Variants in UBE3B observed in about 807,000 individuals in gnomAD.
UBE3B encodes ubiquitin protein ligase E3B, also known as ubiquitin-protein ligase E3B.
In UBE3B, 80 loss-of-function variants were observed where a neutral mutation model predicts 132.3. The ratio of observed to expected loss-of-function variants is 0.60; its 90% confidence interval spans 0.50 to 0.73. UBE3B has a LOEUF of 0.73. UBE3B is among the 30% of genes least tolerant of loss of function. The pLI is 0.00. For synonymous variants in UBE3B, 487 were observed against 520.4 expected (o/e 0.94, Z 0.87); for missense variants, 1,196 against 1,362.5 (o/e 0.88, Z 1.92).
Position 109,497,837 on chromosome 12 carries a change from T to C in UBE3B, c.733T>C (p.Phe245Leu). Residue 245 changes from phenylalanine (F) to leucine (L), a missense_variant, in exon 10 of 28, where the codon TTC (phenylalanine) becomes CTC (leucine). Phe to Leu is a conservative substitution (Grantham distance 22). Coordinates refer to ENST00000342494, the MANE Select transcript of UBE3B (RefSeq NM_130466.4). ...LALRPVIAAQ[F>L]SDNLIRPFLI... ...GTCTAGCCCTGTGATTGCTGCACAG[T>C]TCTCAGACAATCTGATTCGGCCGTT... is the stretch of plus-strand genomic sequence containing the variant. 1 of 1,614,168 alleles carries C rather than the reference T, an allele frequency of 6.2e-7. No homozygotes were observed.
chr12:109,502,348 C>T (rs1162685414), intron 13 of UBE3B, among the ~76,000 whole-genome samples: 1 of 152,164 alleles, frequency 6.6e-6, no homozygotes, highest in African/African-American at 2.4e-5. Context: ...GCTTTCCTAT[C>T]GCAGGGTCAG....
chr12:109,523,062 A>G (rs1332767221), intron 21 of UBE3B, among the ~76,000 whole-genome samples: 1 of 152,094 alleles, frequency 6.6e-6, no homozygotes, highest in African/African-American at 2.4e-5. Flanking sequence ...CACCTCTGAC[A>G]GTAATTGTGC....
At chr12:109,509,490 A>G (rs767195331) in intron 15 of UBE3B, 106 bp from the exon 16 acceptor site, 7 of 684,778 alleles carry the variant, frequency 1.0e-5, no homozygotes, top group African/African-American at 3.6e-5. Context: ...TCTACAAGAT[A>G]AAGCTTATTT....
At chr12:109,528,830 CA>C (rs1486481070) in intron 24 of UBE3B, among the ~76,000 whole-genome samples, 6 of 145,068 alleles carry the variant, frequency 4.1e-5, no homozygotes. Flanking sequence ...GCATGGGCGA[CA>C]AGAATGAAAC....
At chr12:109,481,803 C>T (rs752174375) in intron 2 of UBE3B, 61 bp downstream of exon 2, 58 of 152,308 alleles carry the variant, frequency 3.8e-4, no homozygotes, top group Non-Finnish European at 7.9e-4. Context: ...AGATGGCTAC[C>T]GTTTCTCTCC....
chr12:109,521,342 C>T lies in UBE3B; in HGVS notation c.2253+18C>T. On this transcript the variant is annotated intron_variant, in intron 20 of 27. Coordinates refer to ENST00000342494, the MANE Select transcript of UBE3B (RefSeq NM_130466.4). This position sits in a 1 kb window ranked among gnomAD's most constrained non-coding sequence, Gnocchi z 4.2. ...TGTTCAAGGTATTTAAGGGGAGCAA[C>T]AGCAGGGCTGACAGCAGCCAGATTC... The T allele has an allele frequency of 1.2e-6, 2 of 1,608,552 alleles. No individual in the cohort carries two copies. The highest frequency in any genetic ancestry group is 2.2e-5 in the South Asian group (2 of 90,998).
chr12:109,523,888 C>T (rs1881992299), intron 21 of UBE3B, 90 bp from the exon 22 acceptor site: 1 of 1,560,240 alleles, frequency 6.4e-7, no homozygotes, highest in Non-Finnish European at 8.7e-7. Flanking sequence ...GATGGCACCC[C>T]TGGGCCATGT....
chr12:109,488,791 A>C (rs1876940783), intron 7 of UBE3B, 123 bp downstream of exon 7: 2 of 816,344 alleles, frequency 2.4e-6, no homozygotes, highest in Non-Finnish European at 4.2e-6. Flanking sequence ...AGACCATACA[A>C]ATGAGGATGC....
At chr12:109,525,749 A>AAAAAAAAATT (rs1459029933) in intron 23 of UBE3B, among the ~76,000 whole-genome samples, 3 of 151,742 alleles carry the variant, frequency 2.0e-5, no homozygotes, top group South Asian at 2.1e-4. Context: ...AACTTCTAAC[A>AAAAAAAAATT]AAAAAAAATT....
intron 14 of UBE3B, among the ~76,000 whole-genome samples, chr12:109,503,619 AATC>A (rs1389818055): frequency 6.6e-6 from 1 of 152,240 alleles, no homozygotes; most frequent in East Asian, 1.9e-4. Context: ...CCTTTCCAAT[AATC>A]ATTTTACCAT....
At chr12:109,517,135 A>G (rs770309975) in intron 19 of UBE3B, among the ~76,000 whole-genome samples, 1 of 152,160 alleles carries the variant, frequency 6.6e-6, no homozygotes, top group Non-Finnish European at 1.5e-5. Flanking sequence ...ATCCTGGGCT[A>G]GAGCATCCAC....
At chr12:109,514,679 C>G (rs1197841124) in intron 18 of UBE3B, among the ~76,000 whole-genome samples, 1 of 152,106 alleles carries the variant, frequency 6.6e-6, no homozygotes, top group Non-Finnish European at 1.5e-5. Flanking sequence ...CTCAAAAGTC[C>G]TACAGTTCCC....
At chr12:109,506,801 G>A (rs1404905650) in intron 14 of UBE3B, among the ~76,000 whole-genome samples, 1 of 152,250 alleles carries the variant, frequency 6.6e-6, no homozygotes, top group Non-Finnish European at 1.5e-5. Context: ...AACTTAGTAT[G>A]TAAACTGACT....
chr12:109,506,646 G>A (rs555076610), intron 14 of UBE3B, among the ~76,000 whole-genome samples: 9 of 152,310 alleles, frequency 5.9e-5, no homozygotes, highest in South Asian at 4.1e-4. Context: ...CCACAGCACC[G>A]GGCTGCCAAA....
Position 109,511,231 on chromosome 12 carries a change from A to G in UBE3B, c.1884A>G (p.Gln628=), listed in dbSNP as rs773663593. The G allele has an allele frequency of 1.8e-5, 29 of 1,614,058 alleles. No individual in the cohort carries two copies. Among genetic ancestry groups the G allele is most frequent in the Non-Finnish European group, 2.3e-5 (27 of 1,180,022 alleles). The stretch of plus-strand genomic sequence containing the variant: ...ATCTCAAACCTAGCGTGCTCTTCCA[A>G]GAACTCGACAGGGACAGAAAACGGG... ...RKDLKPSVLF[Q]ELDRDRKRAQ... Residue 628 remains glutamine, a synonymous_variant, in exon 18 of 28, where the codon CAA becomes CAG. Transcript: ENST00000342494.
chr12:109,491,173 T>G (rs1382274981), intron 9 of UBE3B, 46 bp downstream of exon 9: 2 of 1,577,020 alleles, frequency 1.3e-6, no homozygotes, highest in Non-Finnish European at 1.7e-6. Context: ...TCTTGAATGC[T>G]TCCTCCTCTT....
Position 109,497,779 on chromosome 12 carries a change from C to T in UBE3B, c.714-39C>T, listed in dbSNP as rs773313003. The stretch of plus-strand genomic sequence containing the variant: ...GTTGTGCTTTTGTTCTGGATGCACA[C>T]GGAGACCTGTCTGAATGAGTGGATC... On this transcript the variant is annotated intron_variant, in intron 9 of 27. Transcript: ENST00000342494. 7.5e-6 allele frequency: 12 copies of T among 1,601,838 alleles called. No individual in the cohort carries two copies. In the African/African-American group the frequency reaches 1.1e-4, roughly 14 times the overall value.
At chr12:109,499,497 A>G in intron 11 of UBE3B, 136 bp from the exon 12 acceptor site, 2 of 847,932 alleles carry the variant, frequency 2.4e-6, no homozygotes, top group Non-Finnish European at 1.7e-6. Flanking sequence ...AGCCTCCGGC[A>G]TTGACAGGTG....
Position 109,536,052 on chromosome 12 carries a change from C to T in UBE3B, c.*1270C>T, listed in dbSNP as rs1029853620. ...CTCTGCTCTCCTCAAAGACGCAAAA[C>T]ATTTTCCAACAAGAGCTGTCACAGT... On this transcript the variant is annotated 3_prime_UTR_variant, in exon 28 of 28. Transcript: ENST00000342494. 1.3e-5 allele frequency: 2 copies of T among 152,254 alleles called. No homozygotes were observed. Among genetic ancestry groups the T allele is most frequent in the African/African-American group, 4.8e-5 (2 of 41,434 alleles). The allele number at this position is 152,254 out of a possible 1,614,324, so 9.4% of individuals were successfully genotyped here.
Sources: allele counts gnomAD v4.1 joint callset (sites outside exome capture counted in the v4.1 genomes callset), GRCh38; gene constraint gnomAD v4.1.1; non-coding constraint Gnocchi (gnomAD v3.1); transcripts MANE v1.5; gene names NCBI Gene and HGNC (gene_info 2026-07-23, HGNC 2026-07-21).